ARPP21: variants seen among roughly 807,000 people sequenced by gnomAD.
ARPP21 encodes cAMP-regulated phosphoprotein 21.
A neutral mutation model predicts 113.2 loss-of-function variants in ARPP21; 69 were observed. That is an observed-to-expected ratio of 0.61 (90% CI 0.50 to 0.74). ARPP21 has a LOEUF of 0.74. Ranked by LOEUF, ARPP21 falls within the 30% of genes least tolerant of loss-of-function variation. The pLI, the probability that ARPP21 is intolerant of heterozygous loss-of-function variation, is 0.00. For missense variants in ARPP21, 1,070 were observed against 1,037.4 expected, an observed-to-expected ratio of 1.03 and a Z score of -0.43; for synonymous variants, 368 against 375.5, an observed-to-expected ratio of 0.98 and a Z score of 0.23.
At chr3:35,768,151 A>G (rs1321494594) in intron 19 of ARPP21, among the ~76,000 whole-genome samples, 1 of 138,304 alleles carries the variant, frequency 7.2e-6, no homozygotes. Context: ...TGCATGATGA[A>G]TGAAGGATGG....
chr3:35,675,186 G>A lies in ARPP21; in HGVS notation c.-212-4601G>A, dbSNP rs577193676. 3.3e-5 allele frequency among the ~76,000 whole-genome samples: 5 copies of A among 151,754 alleles called. No individual in the cohort carries two copies. The South Asian group carries it at 8.3e-4, about 25-fold the overall frequency. ...TAAAGTTTGCATCATGCTGGAGGTT[G>A]ATGACACCACCTTTCATGTGGGTAA... On this transcript the variant is annotated intron_variant, in intron 1 of 20. Coordinates refer to ENST00000684406, the MANE Select transcript of ARPP21 (RefSeq NM_001385562.1).
At chr3:35,689,839 C>A (rs917343343) in intron 7 of ARPP21, among the ~76,000 whole-genome samples, 15 of 151,190 alleles carry the variant, frequency 9.9e-5, no homozygotes, top group South Asian at 2.1e-4. Flanking sequence ...ATTAAGACTA[C>A]AAAATTTAGA....
At chr3:35,712,743 C>T (rs537097115) in intron 11 of ARPP21, among the ~76,000 whole-genome samples, 10 of 152,162 alleles carry the variant, frequency 6.6e-5, no homozygotes, top group Admixed American at 3.3e-4. Context: ...TAAGTCAAAA[C>T]AACAATTTAG....
At chr3:35,706,261 C>T in intron 9 of ARPP21, among the ~76,000 whole-genome samples, 1 of 152,170 alleles carries the variant, frequency 6.6e-6, no homozygotes, top group South Asian at 2.1e-4. Context: ...AAGTGGAGCC[C>T]TTTCCTTTAA....
chr3:35,659,974 G>C (rs1294799937), intron 1 of ARPP21, among the ~76,000 whole-genome samples: 1 of 152,114 alleles, frequency 6.6e-6, no homozygotes, highest in African/African-American at 2.4e-5. Context: ...TTTATGACAA[G>C]AGTCACAGGT....
chr3:35,759,243 T>C (rs2095675059), intron 19 of ARPP21, among the ~76,000 whole-genome samples: 1 of 152,044 alleles, frequency 6.6e-6, no homozygotes, highest in South Asian at 2.1e-4. Flanking sequence ...TGGAGATCAA[T>C]AGATGTGATT....
intron 19 of ARPP21, among the ~76,000 whole-genome samples, chr3:35,748,012 A>T (rs2095190210): frequency 6.7e-6 from 1 of 149,240 alleles, no homozygotes; most frequent in Non-Finnish European, 1.5e-5. Context: ...GAAGGAAGGA[A>T]AAGAAAGAAA....
chr3:35,785,279 C>T (rs1010708988), intron 19 of ARPP21: 13 of 152,142 alleles, frequency 8.5e-5, no homozygotes, highest in African/African-American at 2.7e-4. Flanking sequence ...GAAAGTAAAA[C>T]GTTTGTGAGT....
chr3:35,688,585 C>A (rs564144252), intron 6 of ARPP21, among the ~76,000 whole-genome samples: 1 of 151,522 alleles, frequency 6.6e-6, no homozygotes, highest in African/African-American at 2.4e-5. Context: ...TAGACTTAAA[C>A]AAACAAACAA....
At chr3:35,700,287 G>C (rs764363007) in intron 9 of ARPP21, among the ~76,000 whole-genome samples, 63 of 151,898 alleles carry the variant, frequency 4.1e-4, no homozygotes, top group Middle Eastern at 6.8e-3. Context: ...TTTTAGGCTT[G>C]CTTCTCAGTG....
At chr3:35,715,411 G>A in intron 11 of ARPP21, 28 bp from the exon 12 acceptor site, 9 of 1,608,416 alleles carry the variant, frequency 5.6e-6, no homozygotes, top group Non-Finnish European at 7.7e-6. Flanking sequence ...CAGAACTTCT[G>A]ATCCAATGCC....
chr3:35,653,886 TA>T (rs1703595764), intron 1 of ARPP21, among the ~76,000 whole-genome samples: 1 of 152,062 alleles, frequency 6.6e-6, no homozygotes, highest in Non-Finnish European at 1.5e-5. Flanking sequence ...ACAAATATTG[TA>T]TCAGTCCATG....
At chr3:35,694,339 A>G (rs1452884286) in intron 9 of ARPP21, among the ~76,000 whole-genome samples, 1 of 151,560 alleles carries the variant, frequency 6.6e-6, no homozygotes, top group Admixed American at 6.6e-5. Context: ...AACTTGTCTC[A>G]GGATATACTT....
chr3:35,705,111 G>T (rs573922247), intron 9 of ARPP21, among the ~76,000 whole-genome samples: 9 of 152,014 alleles, frequency 5.9e-5, no homozygotes, highest in African/African-American at 2.2e-4. Flanking sequence ...ACAGAGCCTG[G>T]GGATATTAGA....
At chr3:35,651,068 C>A (rs957284402) in intron 1 of ARPP21, among the ~76,000 whole-genome samples, 9 of 152,012 alleles carry the variant, frequency 5.9e-5, no homozygotes, top group African/African-American at 2.2e-4. Flanking sequence ...ATCTGTTAAT[C>A]CTTAATAAAT....
intron 19 of ARPP21, among the ~76,000 whole-genome samples, chr3:35,780,637 A>T (rs547197373): frequency 6.6e-6 from 1 of 152,252 alleles, no homozygotes; most frequent in South Asian, 2.1e-4. Flanking sequence ...TTGAAAGCCA[A>T]GGCCCAACAG....
At chr3:35,777,833 TG>T (rs1019562173) in intron 19 of ARPP21, among the ~76,000 whole-genome samples, 1 of 152,190 alleles carries the variant, frequency 6.6e-6, no homozygotes, top group African/African-American at 2.4e-5. Flanking sequence ...ACTTTTTTTT[TG>T]CTCTACAAGA....
chr3:35,687,634 G>A, intron 5 of ARPP21, 105 bp from the exon 6 acceptor site: 2 of 1,015,820 alleles, frequency 2.0e-6, no homozygotes, highest in East Asian at 5.6e-5. Context: ...AAAAAAATCT[G>A]CACCTGGTTT....
At position 35,684,732 on chromosome 3, in the gene ARPP21, G is replaced by C. The variant is rs567651620; in HGVS notation, c.261+917G>C. On this transcript the variant is annotated intron_variant, in intron 5 of 20. Coordinates refer to ENST00000684406, the MANE Select transcript of ARPP21 (RefSeq NM_001385562.1). ...TCTGAATTCCCCTCATGGAAACAGA[G>C]AGCATTGAGAGCACTTTCTTTAAAA... The C allele has an allele frequency of 2.1e-3, 2,088 of 984,946 alleles. 6 individuals carry two copies. Among genetic ancestry groups the C allele is most frequent in the Non-Finnish European group, 2.4e-3 (2,015 of 829,286 alleles). The allele number at this position is 984,946 out of a possible 1,614,324, so 61.0% of individuals were successfully genotyped here.
Sources: allele counts gnomAD v4.1 joint callset (sites outside exome capture counted in the v4.1 genomes callset), GRCh38; gene constraint gnomAD v4.1.1; transcripts MANE v1.5; gene names NCBI Gene and HGNC (gene_info 2026-07-23, HGNC 2026-07-21).